Variants in ENPEP observed in about 807,000 individuals in gnomAD.
ENPEP encodes glutamyl aminopeptidase.
A neutral mutation model predicts 114.5 loss-of-function variants in ENPEP; 103 were observed. The ratio of observed to expected loss-of-function variants is 0.90; its 90% CI spans 0.77 to 1.06. ENPEP has a LOEUF of 1.06. ENPEP is among the 50% of genes least tolerant of loss of function. ENPEP has a pLI of 0.00. For missense variants in ENPEP, 1,196 were observed against 1,161.3 expected, an observed-to-expected ratio of 1.03 and a Z score of -0.43; for synonymous variants, 420 against 422.0, an observed-to-expected ratio of 1.00 and a Z score of 0.06.
chr4:110,562,789 T>C lies in ENPEP; in HGVS notation c.*1231T>C, dbSNP rs1727721011. Reference sequence around the variant, plus strand: ...GCAGAAAAGATGGTAAGTTACTATGTTTCAATCTGCTATATCTAGAAAATC... The same window carrying C: ...GCAGAAAAGATGGTAAGTTACTATGCTTCAATCTGCTATATCTAGAAAATC... On this transcript the variant is annotated 3_prime_UTR_variant, in exon 20 of 20. Transcript: ENST00000265162. The C allele has an allele frequency of 6.6e-6, 1 of 152,158 alleles. No individual in the cohort carries two copies. The highest frequency in any genetic ancestry group is 1.5e-5 in the Non-Finnish European group (1 of 67,998). 9.4% of individuals were successfully genotyped at this position (152,158 alleles called of 1,614,324 possible). A position where few individuals can be genotyped will look rare whatever the true frequency, so the allele number is the denominator to read the frequency against.
At chr4:110,486,116 A>G (rs1724491732) in intron 1 of ENPEP, among the ~76,000 whole-genome samples, 1 of 152,234 alleles carries the variant, frequency 6.6e-6, no homozygotes, top group African/African-American at 2.4e-5. Context: ...AAATATTATT[A>G]GTAGGCAATC....
rs267599983 is a variant in ENPEP at position 110,531,225 on chromosome 4, G to A, written c.1755G>A (p.Trp585Ter). 3 of 1,463,976 alleles carry A rather than the reference G, an allele frequency of 2.0e-6. No homozygotes were observed. Among genetic ancestry groups the A allele is most frequent in the South Asian group, 2.8e-5 (2 of 70,684 alleles). 90.7% of individuals were successfully genotyped at this position (1,463,976 alleles called of 1,614,324 possible). The change falls in exon 11 of 20, where the codon TGG (tryptophan) becomes TGA (stop). Residue 585 changes from tryptophan (W) to a stop codon, truncating the protein, a stop_gained. Coordinates refer to ENST00000265162, the MANE Select transcript of ENPEP (RefSeq NM_001977.4). LOFTEE classifies it high-confidence loss of function. ...ATACATGGAATATCCCAGTTAAATG[G>A]ACTGAAGATAATATAACAAGCAGTG... ...LGYTWNIPVK[W>*]TEDNITSSVL...
intron 1 of ENPEP, among the ~76,000 whole-genome samples, chr4:110,483,734 C>T (rs540534471): frequency 9.2e-5 from 14 of 152,338 alleles, no homozygotes; most frequent in African/African-American, 3.4e-4. Context: ...TTATTCAGGA[C>T]GTACCCACAA....
chr4:110,537,515 G>T (rs1395237140), intron 11 of ENPEP, among the ~76,000 whole-genome samples: 1 of 152,106 alleles, frequency 6.6e-6, no homozygotes, highest in Non-Finnish European at 1.5e-5. Context: ...TAGCTCTCTT[G>T]CTATTTTCAC....
At chr4:110,492,856 A>C (rs1425524630) in intron 3 of ENPEP, among the ~76,000 whole-genome samples, 1 of 152,150 alleles carries the variant, frequency 6.6e-6, no homozygotes, top group Non-Finnish European at 1.5e-5. Context: ...TTTCTTCATC[A>C]TTGACAATTC....
chr4:110,558,429 T>C (rs2110403669), intron 18 of ENPEP, among the ~76,000 whole-genome samples: 1 of 151,794 alleles, frequency 6.6e-6, no homozygotes, highest in African/African-American at 2.4e-5. Flanking sequence ...CTGGGACTAC[T>C]TGTGGGGCGC....
chr4:110,488,324 G>A (rs1256685632), intron 1 of ENPEP, among the ~76,000 whole-genome samples: 2 of 152,276 alleles, frequency 1.3e-5, no homozygotes, highest in African/African-American at 4.8e-5. Flanking sequence ...TGAAATATCT[G>A]AAGCAATCTG....
At chr4:110,502,003 T>A in intron 3 of ENPEP, among the ~76,000 whole-genome samples, 1 of 152,312 alleles carries the variant, frequency 6.6e-6, no homozygotes, top group South Asian at 2.1e-4. Flanking sequence ...AGTATCTCAT[T>A]GTGGTTTTGA....
intron 13 of ENPEP, among the ~76,000 whole-genome samples, chr4:110,546,993 G>A (rs905396550): frequency 6.6e-6 from 1 of 151,966 alleles, no homozygotes; most frequent in Non-Finnish European, 1.5e-5. Flanking sequence ...TGTCCCTTTA[G>A]GGAGCCATGT....
chr4:110,510,585 C>T (rs1725536657), intron 6 of ENPEP, among the ~76,000 whole-genome samples: 1 of 144,652 alleles, frequency 6.9e-6, no homozygotes, highest in African/African-American at 2.6e-5. Flanking sequence ...TTGACAGAGT[C>T]ACTCAAAACA....
At chr4:110,493,180 G>C (rs1429418180) in intron 3 of ENPEP, among the ~76,000 whole-genome samples, 3 of 152,154 alleles carry the variant, frequency 2.0e-5, no homozygotes, top group Non-Finnish European at 2.9e-5. Flanking sequence ...TAAATCACTA[G>C]AGCCTGTACC....
At chr4:110,501,744 C>T (rs550518948) in intron 3 of ENPEP, among the ~76,000 whole-genome samples, 12 of 152,224 alleles carry the variant, frequency 7.9e-5, no homozygotes, top group Admixed American at 5.2e-4. Context: ...CTGTGATGAA[C>T]GTATGGAGGC....
chr4:110,547,037 G>T (rs1299375309), intron 13 of ENPEP, among the ~76,000 whole-genome samples: 1 of 151,992 alleles, frequency 6.6e-6, no homozygotes, highest in Non-Finnish European at 1.5e-5. Context: ...ACTTAACTCA[G>T]GCTTCTCTAA....
chr4:110,541,304 A>G (rs777697160), intron 11 of ENPEP, among the ~76,000 whole-genome samples: 26 of 152,056 alleles, frequency 1.7e-4, no homozygotes, highest in Non-Finnish European at 3.7e-4. Context: ...CAAAATTTAA[A>G]TCATATTTCC....
intron 10 of ENPEP, among the ~76,000 whole-genome samples, chr4:110,523,435 A>G (rs1185621541): frequency 6.6e-6 from 1 of 152,176 alleles, no homozygotes; most frequent in Non-Finnish European, 1.5e-5. Flanking sequence ...TAACAAAAAT[A>G]TGAAGCAGAT....
At chr4:110,554,653 A>G (rs1727409710) in intron 18 of ENPEP, among the ~76,000 whole-genome samples, 1 of 152,078 alleles carries the variant, frequency 6.6e-6, no homozygotes, top group Non-Finnish European at 1.5e-5. Context: ...ATATGTTATT[A>G]TCTAGATGTA....
intron 8 of ENPEP, among the ~76,000 whole-genome samples, chr4:110,516,555 C>T (rs1181257416): frequency 6.6e-6 from 1 of 152,038 alleles, no homozygotes; most frequent in African/African-American, 2.4e-5. Context: ...GGAGAAATGC[C>T]CCCTGCTGGC....
At chr4:110,527,251 G>T (rs1726230974) in intron 10 of ENPEP, among the ~76,000 whole-genome samples, 1 of 152,210 alleles carries the variant, frequency 6.6e-6, no homozygotes, top group Non-Finnish European at 1.5e-5. Flanking sequence ...GAAGCATTGA[G>T]AAAGCCGTTG....
chr4:110,502,879 A>G (rs1057133356), intron 3 of ENPEP, among the ~76,000 whole-genome samples: 6 of 152,048 alleles, frequency 3.9e-5, no homozygotes, highest in African/African-American at 1.4e-4. Context: ...TTTTAACAAT[A>G]TTGATTCTTC....
Sources: allele counts gnomAD v4.1 joint callset (sites outside exome capture counted in the v4.1 genomes callset), GRCh38; gene constraint gnomAD v4.1.1; transcripts MANE v1.5; gene names NCBI Gene and HGNC (gene_info 2026-07-23, HGNC 2026-07-21).